GRID2: variants seen among roughly 807,000 people sequenced by gnomAD.
GRID2 encodes glutamate ionotropic receptor delta type subunit 2, also known as glutamate receptor ionotropic, delta-2.
In GRID2, 33 loss-of-function variants were observed where a neutral mutation model predicts 114.8. That is an observed-to-expected ratio of 0.29 (90% CI 0.22 to 0.38). The LOEUF (loss-of-function observed/expected upper bound fraction) is 0.38, where lower values mean the gene tolerates loss of function less well. Among genes scored for constraint, GRID2 ranks in the 10% least tolerant of loss-of-function variants. The pLI is 1.00. For synonymous variants in GRID2, 505 were observed against 449.9 expected, an observed-to-expected ratio of 1.12 and a Z score of -1.55; for missense variants, 1,184 against 1,257.7, an observed-to-expected ratio of 0.94 and a Z score of 0.89.
At chr4:93,361,754 T>G (rs544286035) in intron 8 of GRID2, among the ~76,000 whole-genome samples, 54 of 152,262 alleles carry the variant, frequency 3.5e-4, no homozygotes, top group African/African-American at 1.3e-3. Flanking sequence ...ACAGACACTA[T>G]GTAAGGACAG....
chr4:92,323,036 C>T (rs1306575651), intron 1 of GRID2, among the ~76,000 whole-genome samples: 1 of 152,012 alleles, frequency 6.6e-6, no homozygotes, highest in Non-Finnish European at 1.5e-5. Flanking sequence ...TGGACATTGG[C>T]AATTGCATGA....
chr4:92,610,365 T>G (rs7675621), intron 2 of GRID2, among the ~76,000 whole-genome samples: 7,130 of 151,696 alleles, frequency 0.047, 205 homozygotes, highest in East Asian at 0.093. Context: ...TCTTATTTAA[T>G]ACCCACTTTA....
intron 2 of GRID2, among the ~76,000 whole-genome samples, chr4:92,663,206 G>C (rs1344364605): frequency 6.6e-6 from 1 of 150,966 alleles, no homozygotes; most frequent in Admixed American, 6.6e-5. Context: ...GAAATGACAA[G>C]AGTAATTTCA....
chr4:93,154,439 T>G (rs947572781), intron 4 of GRID2, among the ~76,000 whole-genome samples: 3 of 151,998 alleles, frequency 2.0e-5, no homozygotes, highest in Non-Finnish European at 4.4e-5. Flanking sequence ...TGCCTTTATC[T>G]CTTCTGATTT....
At chr4:92,611,789 A>G (rs188833690) in intron 2 of GRID2, among the ~76,000 whole-genome samples, 12 of 151,440 alleles carry the variant, frequency 7.9e-5, no homozygotes, top group East Asian at 3.9e-4. Flanking sequence ...ACATCTGTGT[A>G]TTTTCTTTGA....
intron 2 of GRID2, among the ~76,000 whole-genome samples, chr4:92,881,857 A>G (rs895766238): frequency 6.6e-6 from 1 of 152,194 alleles, no homozygotes; most frequent in African/African-American, 2.4e-5. Flanking sequence ...ATCATAAGCA[A>G]TACACTTTTT....
intron 7 of GRID2, among the ~76,000 whole-genome samples, chr4:93,235,552 G>C (rs1239095921): frequency 1.3e-5 from 2 of 152,134 alleles, no homozygotes; most frequent in South Asian, 2.1e-4. Flanking sequence ...GAGAGGTTAA[G>C]TCTGGGTGAT....
chr4:92,311,176 T>C (rs1000282243), intron 1 of GRID2, among the ~76,000 whole-genome samples: 1 of 152,082 alleles, frequency 6.6e-6, no homozygotes, highest in Non-Finnish European at 1.5e-5. Context: ...CAACTATCAT[T>C]GTGTATGTAC....
chr4:93,533,537 C>CTTT (rs34014956), intron 13 of GRID2, among the ~76,000 whole-genome samples: 16 of 86,504 alleles, frequency 1.8e-4, no homozygotes, highest in South Asian at 4.7e-4. Context: ...CCACACCCAG[C>CTTT]TTTTTTTTTT....
At chr4:92,372,069 C>T (rs1252490592) in intron 1 of GRID2, among the ~76,000 whole-genome samples, 1 of 152,098 alleles carries the variant, frequency 6.6e-6, no homozygotes, top group East Asian at 1.9e-4. Flanking sequence ...GTGAATGAAT[C>T]GCTGCAATCT....
chr4:92,700,296 G>C (rs542766997), intron 2 of GRID2, among the ~76,000 whole-genome samples: 7 of 152,196 alleles, frequency 4.6e-5, no homozygotes, highest in African/African-American at 1.7e-4. Flanking sequence ...GTCTCTCCTT[G>C]TCATTTGGCT....
chr4:93,695,750 G>A (rs1054951401), intron 14 of GRID2, among the ~76,000 whole-genome samples: 1 of 152,222 alleles, frequency 6.6e-6, no homozygotes, highest in Non-Finnish European at 1.5e-5. Flanking sequence ...CTAGAAGAGT[G>A]TCCACTATGC....
At chr4:93,038,807 G>A (rs1170298204) in intron 2 of GRID2, among the ~76,000 whole-genome samples, 3 of 151,412 alleles carry the variant, frequency 2.0e-5, no homozygotes, top group Non-Finnish European at 3.0e-5. Context: ...AAAAAAAAAG[G>A]TCAGGAAACA....
At chr4:93,333,112 G>A (rs1336881895) in intron 8 of GRID2, among the ~76,000 whole-genome samples, 2 of 152,008 alleles carry the variant, frequency 1.3e-5, no homozygotes, top group Non-Finnish European at 2.9e-5. Context: ...CAAATTACAG[G>A]TAGGCCTCCC....
intron 1 of GRID2, among the ~76,000 whole-genome samples, chr4:92,399,927 T>G (rs1730706670): frequency 3.3e-5 from 5 of 152,150 alleles, no homozygotes; most frequent in South Asian, 2.1e-4. Context: ...CAGAGCATAT[T>G]ATTTCATTGT....
intron 2 of GRID2, among the ~76,000 whole-genome samples, chr4:92,770,464 G>A (rs572274457): frequency 4.9e-4 from 74 of 152,076 alleles, no homozygotes; most frequent in African/African-American, 1.7e-3. Flanking sequence ...CAGCAGTGTC[G>A]CACTCCCAGC....
chr4:93,151,518 C>G (rs1482544064), intron 4 of GRID2, among the ~76,000 whole-genome samples: 1 of 151,984 alleles, frequency 6.6e-6, no homozygotes, highest in Non-Finnish European at 1.5e-5. Flanking sequence ...ATAAAGTCAG[C>G]CAGACTTGGT....
chr4:92,797,396 G>A (rs1042509108), intron 2 of GRID2, among the ~76,000 whole-genome samples: 1 of 152,002 alleles, frequency 6.6e-6, no homozygotes, highest in Admixed American at 6.6e-5. Flanking sequence ...ATGAAATTGT[G>A]ATACTAGCAC....
chr4:92,592,879 A>G (rs557853468), intron 2 of GRID2, among the ~76,000 whole-genome samples: 3 of 152,200 alleles, frequency 2.0e-5, no homozygotes, highest in African/African-American at 2.4e-5. Context: ...CTATTGAAAG[A>G]TAACAAACAA....
Sources: gnomAD v4.1 joint callset for allele counts (sites outside exome capture counted in the v4.1 genomes callset) on GRCh38, gnomAD v4.1.1 for gene constraint, MANE v1.5 for transcripts, NCBI Gene and HGNC (gene_info 2026-07-23, HGNC 2026-07-21) for gene names.